The following GMDS variants were observed in gnomAD, a reference collection of about 807,000 sequenced individuals.
GMDS encodes the protein GDP-mannose 4,6-dehydratase, also known as GDP-mannose 4,6 dehydratase.
GMDS carries 20 observed loss-of-function variants against 49.9 expected under a neutral mutation model. The observed-to-expected ratio is 0.40, with a 90% CI of 0.28 to 0.58. The LOEUF is 0.58. Among genes scored for constraint, GMDS ranks in the 20% least tolerant of loss-of-function variants. The pLI, the probability that GMDS is intolerant of heterozygous loss-of-function variation, is 0.42. For missense variants in GMDS, 362 were observed against 481.4 expected (o/e 0.75, Z 2.32); for synonymous variants, 177 against 178.6 (o/e 0.99, Z 0.07).
intron 7 of GMDS, among the ~76,000 whole-genome samples, chr6:1,907,792 C>T (rs1760849121): frequency 6.6e-6 from 1 of 152,090 alleles, no homozygotes; most frequent in Admixed American, 6.5e-5. Context: ...GTTGCATGTC[C>T]ATATAAAAGA....
At chr6:2,147,092 A>G (rs1776593551) in intron 1 of GMDS, among the ~76,000 whole-genome samples, 2 of 152,204 alleles carry the variant, frequency 1.3e-5, no homozygotes, top group African/African-American at 4.8e-5. Context: ...TATTTGACTT[A>G]TACTTACCCA....
intron 4 of GMDS, among the ~76,000 whole-genome samples, chr6:1,989,294 G>C (rs1561951065): frequency 1.3e-5 from 2 of 152,182 alleles, no homozygotes; most frequent in Non-Finnish European, 2.9e-5. Context: ...GAGAAGCAGA[G>C]AGTTGGTAAA....
intron 7 of GMDS, among the ~76,000 whole-genome samples, chr6:1,749,554 CT>C (rs751744442): frequency 2.0e-5 from 3 of 151,170 alleles, no homozygotes; most frequent in Middle Eastern, 3.2e-3. Context: ...GATCATGCCA[CT>C]GCACTCCAGC....
intron 8 of GMDS, among the ~76,000 whole-genome samples, chr6:1,733,773 A>G (rs1766910160): frequency 6.6e-6 from 1 of 151,804 alleles, no homozygotes; most frequent in Non-Finnish European, 1.5e-5. Context: ...GATTGCTTGA[A>G]CCTGGGGGGC....
At chr6:1,854,019 T>C (rs1757833133) in intron 7 of GMDS, among the ~76,000 whole-genome samples, 1 of 152,176 alleles carries the variant, frequency 6.6e-6, no homozygotes, top group Non-Finnish European at 1.5e-5. Context: ...AATGATACCA[T>C]TTCAAGCAGG....
chr6:2,033,020 T>C (rs1769066154), intron 4 of GMDS, among the ~76,000 whole-genome samples: 1 of 152,226 alleles, frequency 6.6e-6, no homozygotes, highest in African/African-American at 2.4e-5. Flanking sequence ...TTAAATTATC[T>C]TTTCAAAGGA....
chr6:1,869,896 T>C (rs1421945531), intron 7 of GMDS, among the ~76,000 whole-genome samples: 1 of 152,164 alleles, frequency 6.6e-6, no homozygotes, highest in Non-Finnish European at 1.5e-5. Context: ...TTCCACACAC[T>C]CTGGACAGGA....
intron 1 of GMDS, among the ~76,000 whole-genome samples, chr6:2,236,938 T>A (rs971199105): frequency 6.6e-6 from 1 of 152,228 alleles, no homozygotes; most frequent in Non-Finnish European, 1.5e-5. Flanking sequence ...AAATACTTTC[T>A]ATAAATCCCT....
intron 9 of GMDS, among the ~76,000 whole-genome samples, chr6:1,658,444 T>C (rs1159797013): frequency 1.3e-5 from 2 of 152,274 alleles, no homozygotes; most frequent in African/African-American, 4.8e-5. Flanking sequence ...GCGCTCTGCC[T>C]ACCTGTGTCC....
chr6:1,656,680 C>T (rs1763892543), intron 9 of GMDS, among the ~76,000 whole-genome samples: 1 of 151,856 alleles, frequency 6.6e-6, no homozygotes, highest in Non-Finnish European at 1.5e-5. Context: ...AGGAGAATCG[C>T]TTGAACCTGG....
intron 7 of GMDS, among the ~76,000 whole-genome samples, chr6:1,775,507 G>A (rs1768762087): frequency 6.6e-6 from 1 of 152,172 alleles, no homozygotes; most frequent in Non-Finnish European, 1.5e-5. Flanking sequence ...CTGTAAGAGT[G>A]GCACTCTCAC....
chr6:2,214,781 C>T (rs894129108), intron 1 of GMDS, among the ~76,000 whole-genome samples: 6 of 152,156 alleles, frequency 3.9e-5, no homozygotes, highest in Admixed American at 3.9e-4. Flanking sequence ...TCCCAAAGTG[C>T]TGGGATTACA....
intron 7 of GMDS, among the ~76,000 whole-genome samples, chr6:1,750,255 T>C (rs1467845084): frequency 6.6e-6 from 1 of 152,214 alleles, no homozygotes; most frequent in African/African-American, 2.4e-5. Flanking sequence ...TGAATGAAAA[T>C]GTCCTTATAT....
At chr6:1,877,934 C>T (rs568480242) in intron 7 of GMDS, among the ~76,000 whole-genome samples, 2 of 152,290 alleles carry the variant, frequency 1.3e-5, no homozygotes, top group African/African-American at 4.8e-5. Flanking sequence ...CACCTATGTG[C>T]TCTCTTCAGC....
intron 8 of GMDS, among the ~76,000 whole-genome samples, chr6:1,741,690 T>G (rs933219150): frequency 1.4e-4 from 21 of 150,878 alleles, no homozygotes; most frequent in Non-Finnish European, 3.0e-5. Context: ...GGCATGCCTG[T>G]AATCCCAGCT....
At chr6:1,837,051 C>T (rs1257677765) in intron 7 of GMDS, among the ~76,000 whole-genome samples, 1 of 152,174 alleles carries the variant, frequency 6.6e-6, no homozygotes, top group African/African-American at 2.4e-5. Context: ...TACGTTCATA[C>T]AAAGTTTAAT....
At chr6:1,907,849 C>G (rs1183823886) in intron 7 of GMDS, among the ~76,000 whole-genome samples, 1 of 152,218 alleles carries the variant, frequency 6.6e-6, no homozygotes, top group Non-Finnish European at 1.5e-5. Context: ...CCCCTCTTAT[C>G]TGTGGGAGAT....
At chr6:1,969,933 A>T (rs1764504718) in intron 4 of GMDS, among the ~76,000 whole-genome samples, 1 of 152,218 alleles carries the variant, frequency 6.6e-6, no homozygotes, top group African/African-American at 2.4e-5. Context: ...TGCCACATGG[A>T]GAGTACTCAG....
chr6:2,084,804 G>C (rs1181814727), intron 4 of GMDS, among the ~76,000 whole-genome samples: 1 of 152,136 alleles, frequency 6.6e-6, no homozygotes, highest in African/African-American at 2.4e-5. Flanking sequence ...ACCATGCCCG[G>C]CCTAAATAAA....
Sources: gnomAD v4.1 joint callset for allele counts (sites outside exome capture counted in the v4.1 genomes callset) on GRCh38, gnomAD v4.1.1 for gene constraint, MANE v1.5 for transcripts, NCBI Gene and HGNC (gene_info 2026-07-23, HGNC 2026-07-21) for gene names.